Variants in C1QTNF3 observed in about 807,000 individuals in gnomAD.
C1QTNF3 encodes C1q and TNF related 3.
A neutral mutation model predicts 32.6 loss-of-function variants in C1QTNF3; 26 were observed. That is an observed-to-expected ratio of 0.80 (90% CI 0.58 to 1.11). The LOEUF (loss-of-function observed/expected upper bound fraction) is 1.11. Among genes scored for constraint, C1QTNF3 ranks in the 50% least tolerant of loss-of-function variants. The pLI is 0.00. For missense variants in C1QTNF3, 362 were observed against 398.2 expected, an observed-to-expected ratio of 0.91 and a Z score of 0.77; for synonymous variants, 155 against 146.0, an observed-to-expected ratio of 1.06 and a Z score of -0.44.
At chr5:34,088,996 G>C in the C1QTNF3 span, among the ~76,000 whole-genome samples, 1 of 151,710 alleles carries the variant, frequency 6.6e-6, no homozygotes, top group Admixed American at 6.6e-5. Flanking sequence ...TTGATCTCCT[G>C]AGACACAAAC....
chr5:34,232,193 G>A, the C1QTNF3 span, among the ~76,000 whole-genome samples: 1 of 151,924 alleles, frequency 6.6e-6, no homozygotes, highest in African/African-American at 2.4e-5. Context: ...TATGGAATTG[G>A]AGTGTTTACC....
At chr5:34,050,198 C>T in the C1QTNF3 span, among the ~76,000 whole-genome samples, 5 of 152,174 alleles carry the variant, frequency 3.3e-5, no homozygotes, top group Non-Finnish European at 7.4e-5. Context: ...CCAGTTCCTC[C>T]AAGCTCAGCC....
chr5:34,066,212 C>T, the C1QTNF3 span, among the ~76,000 whole-genome samples: 95,606 of 151,858 alleles, frequency 0.63, 30,403 homozygotes, highest in Non-Finnish European at 0.65. Flanking sequence ...TGCTGGGAGA[C>T]TGCCTTTTGC....
chr5:34,085,225 G>C, the C1QTNF3 span, among the ~76,000 whole-genome samples: 58 of 149,542 alleles, frequency 3.9e-4, no homozygotes, highest in African/African-American at 1.4e-3. Context: ...TCGATCTCCT[G>C]ATCTCATGAT....
At chr5:34,205,512 T>G in the C1QTNF3 span, among the ~76,000 whole-genome samples, 4 of 152,148 alleles carry the variant, frequency 2.6e-5, no homozygotes, top group Non-Finnish European at 4.4e-5. Context: ...GTGTAGCATC[T>G]CCCTCTTAGT....
At chr5:34,175,984 A>T in the C1QTNF3 span, 5 of 775,710 alleles carry the variant, frequency 6.4e-6, no homozygotes, top group Admixed American at 5.4e-5. Context: ...AGAGAAGAGT[A>T]AGAACTGGCA....
the C1QTNF3 span, among the ~76,000 whole-genome samples, chr5:34,210,323 G>A: frequency 2.6e-5 from 4 of 151,992 alleles, no homozygotes; most frequent in Admixed American, 2.0e-4. Flanking sequence ...CTACGTCATA[G>A]GCTTTAATAT....
At chr5:34,188,464 G>C in the C1QTNF3 span, among the ~76,000 whole-genome samples, 3 of 152,240 alleles carry the variant, frequency 2.0e-5, no homozygotes, top group African/African-American at 7.2e-5. Flanking sequence ...ACCCTGCAAA[G>C]CCACAGGGGC....
chr5:34,167,924 G>A, the C1QTNF3 span: 2 of 151,924 alleles, frequency 1.3e-5, no homozygotes, highest in South Asian at 2.1e-4. Context: ...GTGGATGGGG[G>A]AGATGCAAAA....
chr5:34,018,950 A>G lies in C1QTNF3; in HGVS notation c.*1633T>C, dbSNP rs1754259899. Among the ~76,000 whole-genome samples the G allele has an allele frequency of 6.6e-6, 1 of 152,094 alleles. No individual in the cohort carries two copies. The highest frequency in any genetic ancestry group is 1.5e-5 in the Non-Finnish European group (1 of 68,006). On this transcript the variant is annotated 3_prime_UTR_variant, in exon 6 of 6. Transcript: ENST00000382065. Reference sequence around the variant, plus strand: ...CAGACCGGCCTGGTCAACATGGTGAAACCCCATCTCTATTAGAAACATTAA... The same window carrying G: ...CAGACCGGCCTGGTCAACATGGTGAGACCCCATCTCTATTAGAAACATTAA...
the C1QTNF3 span, among the ~76,000 whole-genome samples, chr5:34,154,737 A>AAG: frequency 6.6e-6 from 1 of 151,980 alleles, no homozygotes; most frequent in African/African-American, 2.4e-5. Flanking sequence ...GGACATGATA[A>AAG]AGAGAGAGAG....
chr5:34,195,744 G>T, the C1QTNF3 span, among the ~76,000 whole-genome samples: 1 of 152,130 alleles, frequency 6.6e-6, no homozygotes, highest in Non-Finnish European at 1.5e-5. Flanking sequence ...GGAGGCTGAC[G>T]CAGGAGAATG....
At chr5:34,041,476 AG>A (rs1421253387) in intron 1 of C1QTNF3, among the ~76,000 whole-genome samples, 3 of 152,238 alleles carry the variant, frequency 2.0e-5, no homozygotes, top group African/African-American at 7.2e-5. Flanking sequence ...TTGGCCAAGA[AG>A]GATACCATGT....
the C1QTNF3 span, among the ~76,000 whole-genome samples, chr5:34,127,034 T>C: frequency 6.6e-6 from 1 of 152,206 alleles, no homozygotes; most frequent in Admixed American, 6.5e-5. Context: ...TGCTTTCTCT[T>C]TGCCTTCCGC....
chr5:34,074,696 T>G, the C1QTNF3 span, among the ~76,000 whole-genome samples: 1 of 151,666 alleles, frequency 6.6e-6, no homozygotes, highest in Non-Finnish European at 1.5e-5. Context: ...TCTTTCTTAC[T>G]GCACTGATTA....
At chr5:34,137,856 G>A in the C1QTNF3 span, among the ~76,000 whole-genome samples, 1 of 152,170 alleles carries the variant, frequency 6.6e-6, no homozygotes, top group African/African-American at 2.4e-5. Context: ...GATATTGGCT[G>A]ATTTGTGATC....
chr5:34,076,914 C>A, the C1QTNF3 span, among the ~76,000 whole-genome samples: 1 of 151,514 alleles, frequency 6.6e-6, no homozygotes, highest in Non-Finnish European at 1.5e-5. Flanking sequence ...GAGAGCCAAA[C>A]ATGATTTATG....
chr5:34,056,753 C>A, the C1QTNF3 span, among the ~76,000 whole-genome samples: 9 of 151,946 alleles, frequency 5.9e-5, no homozygotes, highest in Non-Finnish European at 1.2e-4. Context: ...TCAAGTGATC[C>A]TCCCACCTGG....
chr5:34,129,719 A>ATATAT, the C1QTNF3 span, among the ~76,000 whole-genome samples: 2 of 151,958 alleles, frequency 1.3e-5, no homozygotes, highest in African/African-American at 4.8e-5. Flanking sequence ...AAAATTGATC[A>ATATAT]ATATAAATAT....
Sources: gnomAD v4.1 joint callset for allele counts (sites outside exome capture counted in the v4.1 genomes callset) on GRCh38, gnomAD v4.1.1 for gene constraint, MANE v1.5 for transcripts, NCBI Gene and HGNC (gene_info 2026-07-23, HGNC 2026-07-21) for gene names.